The following CTXND1 variants were observed in gnomAD, a reference collection of about 807,000 sequenced individuals.
CTXND1 encodes cortexin domain containing 1.
chr15:80,227,222 TA>T (rs1313138430), intron 1 of CTXND1, among the ~76,000 whole-genome samples: 2 of 152,042 alleles, frequency 1.3e-5, no homozygotes, highest in African/African-American at 4.8e-5. Flanking sequence ...CCTTTGACAT[TA>T]AAAAAAATGT....
rs1435087998 is a variant in CTXND1 at position 80,199,602 on chromosome 15, TCCTCCCCA to T, written c.*2160_*2167del. The T allele has an allele frequency of 6.6e-6, 1 of 152,278 alleles. No individual in the cohort carries two copies. Among genetic ancestry groups the T allele is most frequent in the Admixed American group, 6.5e-5 (1 of 15,280 alleles). 9.4% of individuals were successfully genotyped at this position (152,278 alleles called of 1,614,324 possible). A position where few individuals can be genotyped will look rare whatever the true frequency, so the allele number is the denominator to read the frequency against. ...ATGCACAAAAGGCTTTTGCTTTAGA[TCCTCCCCA>T]TCATACAGGGCCTTCCCTGCATCTT... On this transcript the variant is annotated 3_prime_UTR_variant, in exon 3 of 3. Coordinates refer to ENST00000560778, the MANE Select transcript of CTXND1 (RefSeq NM_001352888.2).
chr15:80,208,108 T>C (rs1893169039), intron 1 of CTXND1, among the ~76,000 whole-genome samples: 1 of 152,190 alleles, frequency 6.6e-6, no homozygotes. Flanking sequence ...TGCTGTTCTT[T>C]TGCCCTGGGA....
intron 1 of CTXND1, among the ~76,000 whole-genome samples, chr15:80,232,372 G>A (rs1893440872): frequency 1.3e-5 from 2 of 152,194 alleles, no homozygotes; most frequent in South Asian, 4.1e-4. Context: ...TCAGGAAATC[G>A]AGCTCATGTT....
At chr15:80,230,273 CG>C (rs966349835) in intron 1 of CTXND1, among the ~76,000 whole-genome samples, 2 of 152,244 alleles carry the variant, frequency 1.3e-5, no homozygotes, top group Admixed American at 6.5e-5. Context: ...TCTTGGAAGG[CG>C]GGGGCGGTGT....
intron 1 of CTXND1, among the ~76,000 whole-genome samples, chr15:80,237,022 G>A (rs984468060): frequency 7.2e-5 from 11 of 151,916 alleles, no homozygotes; most frequent in African/African-American, 2.4e-4. Flanking sequence ...TTATTTAAGA[G>A]GATACTCCTT....
Position 80,201,895 on chromosome 15 carries a change from A to G in CTXND1, c.55T>C (p.Leu19=). 1 of 398,824 alleles carries G rather than the reference A, an allele frequency of 2.5e-6. No individual in the cohort carries two copies. The highest frequency in any genetic ancestry group is 4.4e-6 in the Non-Finnish European group (1 of 226,168). The allele number at this position is 398,824 out of a possible 1,614,324, so 24.7% of individuals were successfully genotyped here. A position where few individuals can be genotyped will look rare whatever the true frequency, so the allele number is the denominator to read the frequency against. ...VYVDVDKGLT[L]ACFVFLCLFL... is the part of the protein sequence containing the mutation. ...AGGCAGAGGAAGACGAAGCAGGCCA[A>G]GGTCAGCCCTTTGTCTACGTCGACA... Residue 19 remains leucine (L), a synonymous_variant, in exon 3 of 3, where the codon TTG becomes CTG. Transcript: ENST00000560778.
At position 80,201,199 on chromosome 15, in the gene CTXND1, A is replaced by T. The variant is rs1325659613; in HGVS notation, c.*571T>A. 6.6e-6 allele frequency: 1 copy of T among 152,126 alleles called. No homozygotes were observed. The highest frequency in any genetic ancestry group is 2.4e-5 in the African/African-American group (1 of 41,398). The allele number at this position is 152,126 out of a possible 1,614,324, so 9.4% of individuals were successfully genotyped here. ...AATATATCCCTCTATATTTTAGTTT[A>T]AAAAAATACTGCTTGGAAGCAGCCC... On this transcript the variant is annotated 3_prime_UTR_variant, in exon 3 of 3. Transcript: ENST00000560778.
chr15:80,229,337 G>A (rs16971860), intron 1 of CTXND1, among the ~76,000 whole-genome samples: 4,585 of 152,280 alleles, frequency 0.03, 374 homozygotes, highest in East Asian at 0.29. Flanking sequence ...ACAGAATTGG[G>A]GAATAAGTGT....
rs1279703428 is a variant in CTXND1, at chr15:80,197,756, G to C, written c.*4014C>G. ...TGGCAGAACCAGTCCTCAACAGCAA[G>C]ACCTAGGGGGTATGAAACCACACTA... On this transcript the variant is annotated 3_prime_UTR_variant, in exon 3 of 3. Transcript: ENST00000560778. The C allele has an allele frequency of 6.6e-6, 1 of 152,214 alleles. No individual in the cohort carries two copies. The highest frequency in any genetic ancestry group is 6.5e-5 in the Admixed American group (1 of 15,280). 9.4% of individuals were successfully genotyped at this position (152,214 alleles called of 1,614,324 possible). A position where few individuals can be genotyped will look rare whatever the true frequency, so the allele number is the denominator to read the frequency against.
intron 1 of CTXND1, among the ~76,000 whole-genome samples, chr15:80,234,403 AG>A (rs1346825145): frequency 2.6e-5 from 4 of 151,832 alleles, no homozygotes; most frequent in African/African-American, 9.7e-5. Context: ...GGTCAGGGAT[AG>A]GGTGAGACAG....
chr15:80,224,494 A>G (rs892764504), intron 1 of CTXND1, among the ~76,000 whole-genome samples: 2 of 152,158 alleles, frequency 1.3e-5, no homozygotes, highest in South Asian at 2.1e-4. Flanking sequence ...GAAATCTACT[A>G]GAGTAAGTTC....
intron 1 of CTXND1, among the ~76,000 whole-genome samples, chr15:80,210,926 G>A (rs190085672): frequency 1.2e-3 from 187 of 152,306 alleles, no homozygotes; most frequent in African/African-American, 4.2e-3. Context: ...TTCTTGTAAA[G>A]CCACCAATTT....
chr15:80,250,332 A>T (rs186718247), intron 1 of CTXND1, among the ~76,000 whole-genome samples: 2 of 151,966 alleles, frequency 1.3e-5, no homozygotes, highest in East Asian at 3.9e-4. Context: ...TAGTTGAGCT[A>T]GTTTTTTTTT....
intron 1 of CTXND1, among the ~76,000 whole-genome samples, chr15:80,208,100 C>T (rs1445795994): frequency 6.6e-6 from 1 of 152,204 alleles, no homozygotes; most frequent in Non-Finnish European, 1.5e-5. Context: ...CAAAGTTCTG[C>T]TGTTCTTTTG....
chr15:80,226,161 C>G (rs1283169842), intron 1 of CTXND1, among the ~76,000 whole-genome samples: 2 of 152,196 alleles, frequency 1.3e-5, no homozygotes, highest in African/African-American at 4.8e-5. Context: ...GAGGAAGTCC[C>G]CAATTGTCCA....
chr15:80,226,861 A>G (rs533709493), intron 1 of CTXND1, among the ~76,000 whole-genome samples: 5 of 152,262 alleles, frequency 3.3e-5, no homozygotes, highest in Admixed American at 6.5e-5. Flanking sequence ...AGACTTTTGA[A>G]TCTATTTTTT....
intron 1 of CTXND1, among the ~76,000 whole-genome samples, chr15:80,235,624 C>T (rs1893486622): frequency 6.6e-6 from 1 of 152,090 alleles, no homozygotes; most frequent in Non-Finnish European, 1.5e-5. Context: ...GCCAGTTGGA[C>T]ATCTTCACTG....
chr15:80,238,249 G>A (rs533444403), intron 1 of CTXND1, among the ~76,000 whole-genome samples: 9 of 152,036 alleles, frequency 5.9e-5, no homozygotes, highest in Non-Finnish European at 1.3e-4. Context: ...TTTATGGTAA[G>A]TGTCCTGCAC....
At position 80,204,672 on chromosome 15, in the gene CTXND1, T is replaced by C. The variant is rs528133292; in HGVS notation, c.-217-932A>G. 4.3e-3 allele frequency among the ~76,000 whole-genome samples: 535 copies of C among 124,876 alleles called. 6 individuals are homozygous for C. Among genetic ancestry groups the C allele is most frequent in the African/African-American group, 0.018 (515 of 27,946 alleles). 81.9% of individuals were successfully genotyped at this position (124,876 alleles called of 152,430 possible). On this transcript the variant is annotated intron_variant, in intron 1 of 2. Transcript: ENST00000560778. ...GTATATATATATATATATATATATATACCACATTTTGTTTATCCATTTTTT... is the reference window on the plus strand; with the variant it reads ...GTATATATATATATATATATATATACACCACATTTTGTTTATCCATTTTTT...
Sources: allele counts gnomAD v4.1 joint callset (sites outside exome capture counted in the v4.1 genomes callset), GRCh38; gene constraint gnomAD v4.1.1; transcripts MANE v1.5; gene names NCBI Gene and HGNC (gene_info 2026-07-23, HGNC 2026-07-21).